SMAP1: variants seen among roughly 807,000 people sequenced by gnomAD.
SMAP1 encodes the protein small ArfGAP 1.
SMAP1 carries 24 observed loss-of-function variants against 58.5 expected under a neutral mutation model. The observed-to-expected ratio is 0.41, with a 90% CI of 0.30 to 0.58. The LOEUF is 0.58. Among genes scored for constraint, SMAP1 ranks in the 20% least tolerant of loss-of-function variants. The pLI is 0.29. For missense variants in SMAP1, 563 were observed against 566.3 expected (o/e 0.99, Z 0.06); for synonymous variants, 216 against 196.6 (o/e 1.10, Z -0.82).
chr6:70,791,622 G>T, intron 4 of SMAP1, 67 bp from the exon 5 acceptor site: 4 of 1,333,354 alleles, frequency 3.0e-6, no homozygotes, highest in African/African-American at 1.5e-5. Context: ...TTTCTTTCCT[G>T]TGCCTGTCAA....
chr6:70,690,173 T>TA (rs2149816852), intron 1 of SMAP1, among the ~76,000 whole-genome samples: 1 of 152,298 alleles, frequency 6.6e-6, no homozygotes, highest in East Asian at 1.9e-4. Flanking sequence ...GTAAAAGTCT[T>TA]ACAGATACCT....
intron 2 of SMAP1, among the ~76,000 whole-genome samples, chr6:70,741,719 ATTTCC>A (rs1210925791): frequency 1.3e-5 from 2 of 152,108 alleles, no homozygotes; most frequent in Non-Finnish European, 2.9e-5. Flanking sequence ...TGCATGACAC[ATTTCC>A]TTTCCATGCT....
intron 1 of SMAP1, among the ~76,000 whole-genome samples, chr6:70,669,987 G>A (rs558828898): frequency 7.5e-4 from 114 of 151,942 alleles, no homozygotes; most frequent in African/African-American, 1.9e-3. Flanking sequence ...TTGAGGTGGG[G>A]AGAAGAGAAT....
At chr6:70,732,116 TA>T (rs1765453954) in intron 1 of SMAP1, among the ~76,000 whole-genome samples, 1 of 152,182 alleles carries the variant, frequency 6.6e-6, no homozygotes, top group African/African-American at 2.4e-5. Context: ...AGAAGCTGTT[TA>T]TATAAATTAG....
intron 9 of SMAP1, 114 bp from the exon 10 acceptor site, chr6:70,857,808 G>A (rs952601727): frequency 5.9e-6 from 7 of 1,188,044 alleles, no homozygotes; most frequent in Non-Finnish European, 8.2e-6. Flanking sequence ...AGCCAAACTG[G>A]AATTAAAATG....
At chr6:70,764,422 C>T (rs1766875985) in intron 3 of SMAP1, among the ~76,000 whole-genome samples, 1 of 152,192 alleles carries the variant, frequency 6.6e-6, no homozygotes, top group African/African-American at 2.4e-5. Context: ...CTGGCTTCAG[C>T]GCTTCAAGAC....
At chr6:70,764,365 A>G (rs1352962214) in intron 3 of SMAP1, among the ~76,000 whole-genome samples, 1 of 152,240 alleles carries the variant, frequency 6.6e-6, no homozygotes, top group Non-Finnish European at 1.5e-5. Context: ...TTCTGTTGGA[A>G]GAAGATGCCA....
chr6:70,795,548 T>C (rs1768568391), intron 5 of SMAP1, among the ~76,000 whole-genome samples: 1 of 152,158 alleles, frequency 6.6e-6, no homozygotes, highest in African/African-American at 2.4e-5. Context: ...AATAAGGGTG[T>C]GAATCCTATT....
intron 6 of SMAP1, among the ~76,000 whole-genome samples, chr6:70,818,670 G>A (rs1217278700): frequency 1.3e-5 from 2 of 152,078 alleles, no homozygotes; most frequent in East Asian, 3.9e-4. Flanking sequence ...TGGGCTGGGG[G>A]ATGCTAAATT....
Position 70,860,464 on chromosome 6 carries a change from A to T in SMAP1, c.*130A>T. 1 of 1,131,866 alleles carries T rather than the reference A, an allele frequency of 8.8e-7. No homozygotes were observed. Among genetic ancestry groups the T allele is most frequent in the African/African-American group, 1.6e-5 (1 of 63,690 alleles). 70.1% of individuals were successfully genotyped at this position (1,131,866 alleles called of 1,614,324 possible). On this transcript the variant is annotated 3_prime_UTR_variant, in exon 11 of 11. Transcript: ENST00000370455. ...ATTTGTTCATATTAAGAATGATCTG[A>T]TTGACCGTGTTGGTCTGTACTGATT...
At chr6:70,769,840 C>T (rs981982887) in intron 3 of SMAP1, among the ~76,000 whole-genome samples, 44 of 152,238 alleles carry the variant, frequency 2.9e-4, no homozygotes, top group Non-Finnish European at 4.7e-4. Context: ...GCAGTTTCTT[C>T]CTAGCCTTGA....
intron 1 of SMAP1, among the ~76,000 whole-genome samples, chr6:70,702,778 G>A (rs891155114): frequency 1.9e-4 from 29 of 151,912 alleles, no homozygotes; most frequent in Non-Finnish European, 3.8e-4. Context: ...CTACAGGTGC[G>A]CACCACCACA....
intron 7 of SMAP1, among the ~76,000 whole-genome samples, chr6:70,839,034 T>C (rs988017401): frequency 2.0e-5 from 3 of 151,866 alleles, no homozygotes; most frequent in African/African-American, 7.3e-5. Flanking sequence ...TAGCCCGGAG[T>C]GGATGGGATC....
At chr6:70,771,985 G>A (rs1033902317) in intron 3 of SMAP1, among the ~76,000 whole-genome samples, 1 of 152,172 alleles carries the variant, frequency 6.6e-6, no homozygotes, top group African/African-American at 2.4e-5. Flanking sequence ...AGGGCACAAG[G>A]TGGGAACCAT....
At chr6:70,687,740 A>G (rs1766992237) in intron 1 of SMAP1, among the ~76,000 whole-genome samples, 1 of 152,220 alleles carries the variant, frequency 6.6e-6, no homozygotes, top group Admixed American at 6.5e-5. Context: ...GACAAATGTC[A>G]CAACCAAGAT....
chr6:70,823,875 A>G (rs976557357), intron 6 of SMAP1, among the ~76,000 whole-genome samples: 1 of 150,536 alleles, frequency 6.6e-6, no homozygotes, highest in African/African-American at 2.4e-5. Context: ...CCAGAGCCCA[A>G]GGGTTTTTTT....
intron 2 of SMAP1, among the ~76,000 whole-genome samples, chr6:70,747,964 A>T (rs1425779977): frequency 6.6e-6 from 1 of 152,222 alleles, no homozygotes; most frequent in Non-Finnish European, 1.5e-5. Flanking sequence ...CTTTAAAAAA[A>T]TAATTAAAAC....
intron 2 of SMAP1, among the ~76,000 whole-genome samples, chr6:70,739,388 G>T (rs1765730733): frequency 1.3e-5 from 2 of 152,106 alleles, no homozygotes; most frequent in South Asian, 4.1e-4. Flanking sequence ...GATTTAAAAT[G>T]ATATAACTGG....
chr6:70,684,437 T>C (rs890840316), intron 1 of SMAP1, among the ~76,000 whole-genome samples: 1 of 152,190 alleles, frequency 6.6e-6, no homozygotes, highest in Admixed American at 6.5e-5. Flanking sequence ...AAAGAAATTA[T>C]AGATTTGGCA....
Sources: gnomAD v4.1 joint callset for allele counts (sites outside exome capture counted in the v4.1 genomes callset) on GRCh38, gnomAD v4.1.1 for gene constraint, MANE v1.5 for transcripts, NCBI Gene and HGNC (gene_info 2026-07-23, HGNC 2026-07-21) for gene names.